ZRANB1: variants seen among roughly 807,000 people sequenced by gnomAD.
ZRANB1 encodes ubiquitin thioesterase ZRANB1.
In ZRANB1, 16 loss-of-function variants were observed where a neutral mutation model predicts 80.5. The ratio of observed to expected loss-of-function variants is 0.20; its 90% CI spans 0.13 to 0.30. The LOEUF (loss-of-function observed/expected upper bound fraction) is 0.30, where lower values mean the gene tolerates loss of function less well. Among genes scored for constraint, ZRANB1 ranks in the 10% least tolerant of loss-of-function variants. ZRANB1 has a pLI of 1.00. For missense variants in ZRANB1, 576 were observed against 862.6 expected, an observed-to-expected ratio of 0.67 and a Z score of 4.16; for synonymous variants, 291 against 293.1, an observed-to-expected ratio of 0.99 and a Z score of 0.07.
chr10:124,981,052 T>G (rs1951928261), intron 5 of ZRANB1, among the ~76,000 whole-genome samples: 1 of 152,256 alleles, frequency 6.6e-6, no homozygotes, highest in African/African-American at 2.4e-5. Flanking sequence ...GAGGTCTTAG[T>G]TGGCTTGTTT....
intron 2 of ZRANB1, among the ~76,000 whole-genome samples, chr10:124,967,446 G>A (rs1183557555): frequency 6.6e-6 from 1 of 152,152 alleles, no homozygotes. Flanking sequence ...TGGAGAGAAG[G>A]GAAGTCTGAA....
At chr10:124,943,559 G>A (rs531099452) in intron 1 of ZRANB1, among the ~76,000 whole-genome samples, 1 of 151,714 alleles carries the variant, frequency 6.6e-6, no homozygotes, top group African/African-American at 2.4e-5. Context: ...ATATATATGC[G>A]CAAAGTCACT....
chr10:124,944,208 G>A (rs977102461), intron 1 of ZRANB1, among the ~76,000 whole-genome samples: 2 of 152,048 alleles, frequency 1.3e-5, no homozygotes, highest in Non-Finnish European at 2.9e-5. Flanking sequence ...TAGATTAGAT[G>A]TTTGATTTTT....
intron 1 of ZRANB1, among the ~76,000 whole-genome samples, chr10:124,954,138 C>CTTT (rs1481027679): frequency 2.3e-4 from 26 of 111,152 alleles, no homozygotes; most frequent in Admixed American, 6.1e-4. Flanking sequence ...CAGCTAATTC[C>CTTT]TGTTTTTTTT....
Position 124,985,291 on chromosome 10 carries a change from C to A in ZRANB1, c.*299C>A. 1 of 254,016 alleles carries A rather than the reference C, an allele frequency of 3.9e-6. No individual in the cohort carries two copies. The highest frequency in any genetic ancestry group is 7.5e-6 in the Non-Finnish European group (1 of 134,002). The allele number at this position is 254,016 out of a possible 1,614,324, so 15.7% of individuals were successfully genotyped here. On this transcript the variant is annotated 3_prime_UTR_variant, in exon 9 of 9. Transcript: ENST00000359653. ...ATGTAACGCATGTGGTTGTGTAAGACATTGTTTAATAGGAAAAGTTGTACC... is the reference window on the plus strand; with the variant it reads ...ATGTAACGCATGTGGTTGTGTAAGAAATTGTTTAATAGGAAAAGTTGTACC...
chr10:124,947,826 C>A (rs1477549390), intron 1 of ZRANB1, among the ~76,000 whole-genome samples: 1 of 152,188 alleles, frequency 6.6e-6, no homozygotes, highest in African/African-American at 2.4e-5. Flanking sequence ...CTGACCACTT[C>A]TCACTATTCT....
chr10:124,916,972 C>T, the ZRANB1 span, among the ~76,000 whole-genome samples: 4 of 151,948 alleles, frequency 2.6e-5, no homozygotes, highest in African/African-American at 4.8e-5. Flanking sequence ...AGTGCCCCCG[C>T]CCCCCGGGGC....
intron 1 of ZRANB1, among the ~76,000 whole-genome samples, chr10:124,957,365 T>C (rs1320780591): frequency 3.3e-5 from 5 of 152,162 alleles, no homozygotes. Flanking sequence ...AATGTCCTTG[T>C]ATCATTGTTC....
chr10:124,970,187 G>C (rs984884717), intron 2 of ZRANB1, among the ~76,000 whole-genome samples: 2 of 152,200 alleles, frequency 1.3e-5, no homozygotes, highest in African/African-American at 2.4e-5. Context: ...AAGATATAGT[G>C]AGAATTTTCA....
At chr10:124,922,619 A>G in the ZRANB1 span, among the ~76,000 whole-genome samples, 1 of 151,320 alleles carries the variant, frequency 6.6e-6, no homozygotes, top group Non-Finnish European at 1.5e-5. Context: ...CAGCCTTCTG[A>G]GTAGCTGGGA....
At chr10:124,962,367 T>C (rs1168228251) in intron 1 of ZRANB1, 4 of 985,264 alleles carry the variant, frequency 4.1e-6, no homozygotes, top group Non-Finnish European at 4.8e-6. Flanking sequence ...ACAGCTACCA[T>C]AGAACTCCAG....
chr10:124,921,539 C>G, the ZRANB1 span, among the ~76,000 whole-genome samples: 1 of 152,158 alleles, frequency 6.6e-6, no homozygotes, highest in East Asian at 1.9e-4. Context: ...GGTACACAGT[C>G]TCTTGGCACT....
chr10:124,985,390 G>A lies in ZRANB1; in HGVS notation c.*398G>A, dbSNP rs1952010251. The stretch of plus-strand genomic sequence containing the variant: ...AAAAGCACATGGCAAATGGCTCTTT[G>A]TTCCTTTCAGATATTATTTCAGTAG... On this transcript the variant is annotated 3_prime_UTR_variant, in exon 9 of 9. Transcript: ENST00000359653. 1 of 160,276 alleles carries A rather than the reference G, an allele frequency of 6.2e-6. No homozygotes were observed. Among genetic ancestry groups the A allele is most frequent in the Non-Finnish European group, 1.4e-5 (1 of 73,284 alleles). The allele number at this position is 160,276 out of a possible 1,614,324, so 9.9% of individuals were successfully genotyped here.
the ZRANB1 span, among the ~76,000 whole-genome samples, chr10:124,925,288 T>C: frequency 5.9e-5 from 9 of 152,280 alleles, no homozygotes; most frequent in Admixed American, 3.3e-4. Context: ...GTTTTTTTTT[T>C]AAATTGTCAT....
the ZRANB1 span, among the ~76,000 whole-genome samples, chr10:124,931,730 CAG>C: frequency 3.0e-4 from 46 of 152,270 alleles, no homozygotes; most frequent in Non-Finnish European, 5.4e-4. Context: ...GCAGAAAATA[CAG>C]AGAGTTCCCA....
the ZRANB1 span, among the ~76,000 whole-genome samples, chr10:124,922,716 G>A: frequency 7.3e-5 from 11 of 150,916 alleles, no homozygotes; most frequent in East Asian, 1.8e-3. Flanking sequence ...GGCTGGTCTC[G>A]AACTGACCTC....
At chr10:124,959,963 A>G (rs1203099024) in intron 1 of ZRANB1, among the ~76,000 whole-genome samples, 1 of 152,292 alleles carries the variant, frequency 6.6e-6, no homozygotes, top group East Asian at 1.9e-4. Context: ...CTGAAGTAGA[A>G]TTGGCAAAAC....
intron 1 of ZRANB1, among the ~76,000 whole-genome samples, chr10:124,951,040 T>TAA (rs371717638): frequency 2.7e-5 from 4 of 148,916 alleles, no homozygotes; most frequent in Non-Finnish European, 6.0e-5. Flanking sequence ...ACACCTTGTT[T>TAA]AAAAAAAAAA....
chr10:124,932,987 T>A, the ZRANB1 span, among the ~76,000 whole-genome samples: 3 of 152,206 alleles, frequency 2.0e-5, no homozygotes, highest in Non-Finnish European at 4.4e-5. Flanking sequence ...GTTTTAAGAG[T>A]TCTTCGTGTA....
Sources: gnomAD v4.1 joint callset for allele counts (sites outside exome capture counted in the v4.1 genomes callset) on GRCh38, gnomAD v4.1.1 for gene constraint, MANE v1.5 for transcripts, NCBI Gene and HGNC (gene_info 2026-07-23, HGNC 2026-07-21) for gene names.